LINC00632: variants seen among roughly 807,000 people sequenced by gnomAD.
LINC00632 encodes the protein ALDOA related specific transcript.
chrX:140,758,006 G>A (rs1331354109), intron 3 of LINC00632, among the ~76,000 whole-genome samples: 1 of 111,482 alleles, frequency 9.0e-6, no homozygotes, highest in East Asian at 2.8e-4. Context: ...ATTTTATAAA[G>A]AACCGAGTTT....
chrX:140,768,730 ATAAT>A (rs1440953729), intron 3 of LINC00632, among the ~76,000 whole-genome samples: 7 of 99,274 alleles, frequency 7.1e-5, no homozygotes, highest in East Asian at 2.9e-4. Flanking sequence ...AATTAAATAT[ATAAT>A]TAAATATATA....
intron 3 of LINC00632, among the ~76,000 whole-genome samples, chrX:140,768,000 T>C (rs1931721261): frequency 1.8e-5 from 2 of 111,312 alleles, no homozygotes; most frequent in Admixed American, 1.9e-4. Flanking sequence ...TCAACATGAG[T>C]TTTGGAGGAG....
intron 2 of LINC00632, among the ~76,000 whole-genome samples, chrX:140,731,392 G>T (rs1426974170): frequency 9.0e-6 from 1 of 111,722 alleles, no homozygotes; most frequent in Non-Finnish European, 1.9e-5. Context: ...GGCACATTAG[G>T]TATTGAAATG....
chrX:140,734,705 A>C (rs1931113860), intron 3 of LINC00632, among the ~76,000 whole-genome samples: 1 of 110,343 alleles, frequency 9.1e-6, no homozygotes, highest in African/African-American at 3.3e-5. Flanking sequence ...TTAAAATATT[A>C]CACATTTGGT....
intron 2 of LINC00632, among the ~76,000 whole-genome samples, chrX:140,728,096 T>G (rs776481616): frequency 9.1e-6 from 1 of 110,159 alleles, no homozygotes; most frequent in African/African-American, 3.3e-5. Flanking sequence ...CAAAATTAAC[T>G]GGGCATGGTG....
At chrX:140,723,862 TACAC>T (rs980756911) in intron 2 of LINC00632, among the ~76,000 whole-genome samples, 1 of 11,316 alleles carries the variant, frequency 8.8e-5, no homozygotes, top group African/African-American at 4.0e-4. Context: ...ACACATTCCA[TACAC>T]ACACCTTCCA....
At chrX:140,751,132 T>C (rs974198804) in intron 3 of LINC00632, among the ~76,000 whole-genome samples, 3 of 111,506 alleles carry the variant, frequency 2.7e-5, no homozygotes, top group African/African-American at 9.8e-5. Context: ...TTGTTTTGGG[T>C]AAATGCCCAG....
chrX:140,772,660 A>G (rs4824956), exon 4 of LINC00632: 27,005 of 178,509 alleles, frequency 0.15, 1,600 homozygotes, highest in Middle Eastern at 0.2. Context: ...ACATCATACA[A>G]TAAAGAAAAT....
intron 3 of LINC00632, among the ~76,000 whole-genome samples, chrX:140,745,867 T>G: frequency 8.9e-6 from 1 of 112,048 alleles, no homozygotes; most frequent in East Asian, 2.8e-4. Flanking sequence ...AAAATGCAAC[T>G]TACATAAGAT....
exon 5 of LINC00632, among the ~76,000 whole-genome samples, chrX:140,785,204 T>TAAC (rs1932001862): frequency 9.1e-6 from 1 of 110,038 alleles, no homozygotes; most frequent in Non-Finnish European, 1.9e-5. Context: ...ATAATAATAA[T>TAAC]AATAACAACA....
At chrX:140,766,365 T>C (rs1170028433) in intron 3 of LINC00632, among the ~76,000 whole-genome samples, 2 of 112,409 alleles carry the variant, frequency 1.8e-5, no homozygotes, top group Non-Finnish European at 3.7e-5. Context: ...AACTGATGGA[T>C]GTCTATTTGG....
At chrX:140,715,546 G>A (rs1930610903) in intron 2 of LINC00632, among the ~76,000 whole-genome samples, 1 of 110,253 alleles carries the variant, frequency 9.1e-6, no homozygotes, top group African/African-American at 3.3e-5. Flanking sequence ...AGTGAGCCGA[G>A]ATCATGCCAT....
rs749975408 is a variant in LINC00632 at position 140,722,506 on chromosome X, C to T, written n.104+10850C>T. Reference sequence around the variant, plus strand: ...AAAATACCTTCTTGCTTTTACAGTGCGAAGACTCGCCTCATAGCACAAGTC... The same window carrying T: ...AAAATACCTTCTTGCTTTTACAGTGTGAAGACTCGCCTCATAGCACAAGTC... On this transcript the variant is annotated intron_variant and non_coding_transcript_variant, in intron 2 of 4. Coordinates refer to ENST00000648200, the Ensembl canonical transcript of LINC00632. Among the ~76,000 whole-genome samples, 14 of 110,971 alleles carry T rather than the reference C, an allele frequency of 1.3e-4. No individual in the cohort carries two copies. In the South Asian group the frequency reaches 5.4e-3, roughly 43 times the overall value.
At chrX:140,734,125 T>C (rs1298468495) in intron 3 of LINC00632, among the ~76,000 whole-genome samples, 1 of 112,042 alleles carries the variant, frequency 8.9e-6, no homozygotes, top group Non-Finnish European at 1.9e-5. Context: ...AAAAGAAATC[T>C]TTCTCTCTAA....
intron 2 of LINC00632, among the ~76,000 whole-genome samples, chrX:140,730,152 G>A (rs1004334610): frequency 5.4e-5 from 6 of 111,028 alleles, no homozygotes; most frequent in African/African-American, 2.0e-4. Flanking sequence ...TGGGATTACA[G>A]GCATGAGACA....
chrX:140,749,468 T>C (rs1434096219), intron 3 of LINC00632, among the ~76,000 whole-genome samples: 2 of 110,684 alleles, frequency 1.8e-5, no homozygotes, highest in Non-Finnish European at 3.8e-5. Flanking sequence ...GGAGCCAGAA[T>C]AGAGGAGCAA....
exon 5 of LINC00632, among the ~76,000 whole-genome samples, chrX:140,781,729 T>C (rs1931937003): frequency 8.9e-6 from 1 of 111,811 alleles, no homozygotes; most frequent in Non-Finnish European, 1.9e-5. Flanking sequence ...GAGCAGGGCA[T>C]AGCAAACTAA....
At chrX:140,714,201 AAG>A (rs1365349685) in intron 2 of LINC00632, 2 of 165,194 alleles carry the variant, frequency 1.2e-5, no homozygotes, top group Non-Finnish European at 2.3e-5. Flanking sequence ...TCATGACACA[AAG>A]ACTCTCCCAC....
chrX:140,749,374 T>G (rs1451314718), intron 3 of LINC00632, among the ~76,000 whole-genome samples: 2 of 111,691 alleles, frequency 1.8e-5, no homozygotes, highest in Non-Finnish European at 3.8e-5. Context: ...GATGGGAAAG[T>G]TTTTGTGATA....
Sources: allele counts gnomAD v4.1 joint callset (sites outside exome capture counted in the v4.1 genomes callset), GRCh38; gene constraint gnomAD v4.1.1; transcripts MANE v1.5; gene names NCBI Gene and HGNC (gene_info 2026-07-23, HGNC 2026-07-21).